PNPLA8: variants seen among roughly 807,000 people sequenced by gnomAD.
PNPLA8 encodes patatin like domain 8, phospholipase A2.
Under a neutral mutation model 76.9 loss-of-function variants are expected in PNPLA8, and 39 were observed. The observed-to-expected ratio is 0.51, with a 90% confidence interval of 0.39 to 0.66. The LOEUF is 0.66. Among genes scored for constraint, PNPLA8 ranks in the 30% least tolerant of loss-of-function variants. The pLI is 0.00. For missense variants in PNPLA8, 887 were observed against 918.0 expected (o/e 0.97, Z 0.44); for synonymous variants, 301 against 307.9 (o/e 0.98, Z 0.24).
At chr7:108,484,308 C>G (rs1860594621) in intron 9 of PNPLA8, among the ~76,000 whole-genome samples, 1 of 152,164 alleles carries the variant, frequency 6.6e-6, no homozygotes, top group Non-Finnish European at 1.5e-5. Flanking sequence ...TTAGCCTACT[C>G]TTGTCAGATG....
intron 9 of PNPLA8, among the ~76,000 whole-genome samples, chr7:108,487,530 A>C (rs754929622): frequency 5.3e-5 from 8 of 152,130 alleles, no homozygotes; most frequent in Non-Finnish European, 8.8e-5. Flanking sequence ...TGGGCTACGA[A>C]TCACACTATA....
chr7:108,489,254 C>A (rs184346747), intron 8 of PNPLA8, among the ~76,000 whole-genome samples: 4 of 152,316 alleles, frequency 2.6e-5, no homozygotes, highest in Non-Finnish European at 5.9e-5. Flanking sequence ...AGAGCTAAGT[C>A]ATCTCTTCAT....
upstream of PNPLA8, among the ~76,000 whole-genome samples, chr7:108,526,897 G>C (rs185694975): frequency 9.9e-4 from 150 of 152,282 alleles, no homozygotes; most frequent in Non-Finnish European, 1.5e-3. Context: ...TAAAAAAAAA[G>C]TTTTGCGACA....
chr7:108,482,761 G>C (rs1009606744), intron 9 of PNPLA8, among the ~76,000 whole-genome samples: 1 of 151,914 alleles, frequency 6.6e-6, no homozygotes, highest in African/African-American at 2.4e-5. Context: ...TTAATTTTTT[G>C]GATCTACTGT....
chr7:108,521,390 A>G (rs1863729571), intron 2 of PNPLA8, 86 bp downstream of exon 2: 1 of 203,234 alleles, frequency 4.9e-6, no homozygotes, highest in Non-Finnish European at 8.7e-6. Flanking sequence ...TCAGAAGGTA[A>G]AAAGCCTTTG....
At chr7:108,512,369 ACAGT>A (rs779362218) in intron 4 of PNPLA8, among the ~76,000 whole-genome samples, 38 of 152,126 alleles carry the variant, frequency 2.5e-4, no homozygotes, top group Non-Finnish European at 4.9e-4. Context: ...TTCTTTCTAA[ACAGT>A]CAAAGTTCTT....
chr7:108,510,293 C>G, intron 4 of PNPLA8: 6 of 1,586,570 alleles, frequency 3.8e-6, no homozygotes, highest in East Asian at 2.2e-5. Flanking sequence ...TAAGAAAAAG[C>G]GAAGGAATTT....
At chr7:108,524,201 A>T (rs886156051) in intron 1 of PNPLA8, among the ~76,000 whole-genome samples, 2 of 152,244 alleles carry the variant, frequency 1.3e-5, no homozygotes, top group African/African-American at 4.8e-5. Flanking sequence ...TTTTGGGATC[A>T]GGCAACCTGA....
intron 4 of PNPLA8, among the ~76,000 whole-genome samples, chr7:108,503,725 T>C (rs541812530): frequency 4.1e-4 from 63 of 152,154 alleles, no homozygotes; most frequent in Non-Finnish European, 4.9e-4. Flanking sequence ...TGGTAAACTA[T>C]AGCTTTTCTT....
intron 4 of PNPLA8, chr7:108,511,103 C>T (rs1381414064): frequency 3.1e-6 from 2 of 637,470 alleles, no homozygotes; most frequent in Non-Finnish European, 5.2e-6. Context: ...ATTTCTCTTT[C>T]CTTTCCTGTA....
intron 8 of PNPLA8, among the ~76,000 whole-genome samples, chr7:108,488,657 T>G (rs374050327): frequency 1.3e-5 from 2 of 152,228 alleles, no homozygotes; most frequent in African/African-American, 4.8e-5. Context: ...CTGTGCTCTT[T>G]GAAAGTATTT....
In PNPLA8 at chr7:108,472,443, T is replaced by A; in HGVS notation, c.2307A>T (p.Lys769Asn). 1 of 1,596,822 alleles carries A rather than the reference T, an allele frequency of 6.3e-7. No homozygotes were observed. Among genetic ancestry groups the A allele is most frequent in the Non-Finnish European group, 8.5e-7 (1 of 1,170,668 alleles). The stretch of plus-strand genomic sequence containing the variant: ...ATGGAAGTCCTTCATACATATCAGT[T>A]TTTAATTTTATCCAATCATTAATTT... ...LQKINDWIKL[K>N]TDMYEGLPFF... The change falls in exon 11 of 11, where the codon AAA (lysine) becomes AAT (asparagine). Residue 769 changes from lysine to asparagine, a missense_variant. Coordinates refer to ENST00000257694, the MANE Select transcript of PNPLA8 (RefSeq NM_001256007.3).
intron 2 of PNPLA8, among the ~76,000 whole-genome samples, chr7:108,516,365 CA>C (rs1206872605): frequency 6.6e-6 from 1 of 152,044 alleles, no homozygotes; most frequent in Non-Finnish European, 1.5e-5. Context: ...TACAATGGGG[CA>C]AAAATAGTCT....
intron 1 of PNPLA8, 54 bp from the exon 2 acceptor site, chr7:108,521,575 G>T: frequency 3.6e-6 from 1 of 281,664 alleles, no homozygotes; most frequent in Non-Finnish European, 5.4e-6. Flanking sequence ...AGCCTGAGAA[G>T]TGCCATGAAT....
chr7:108,500,448 C>T (rs1002942389), intron 5 of PNPLA8, among the ~76,000 whole-genome samples: 1 of 152,108 alleles, frequency 6.6e-6, no homozygotes, highest in African/African-American at 2.4e-5. Context: ...TTTTGCCAAC[C>T]GAGCACTTCT....
At chr7:108,515,864 T>C (rs1004233915) in intron 2 of PNPLA8, among the ~76,000 whole-genome samples, 12 of 152,224 alleles carry the variant, frequency 7.9e-5, no homozygotes, top group Admixed American at 1.3e-4. Context: ...CATAATTTAA[T>C]ATGCAATTTA....
intron 8 of PNPLA8, among the ~76,000 whole-genome samples, chr7:108,491,194 C>T (rs1861140510): frequency 1.3e-5 from 2 of 152,170 alleles, no homozygotes; most frequent in African/African-American, 4.8e-5. Flanking sequence ...GTAATCCCAG[C>T]TACTTGGGAG....
chr7:108,487,501 C>T (rs541384490), intron 9 of PNPLA8, among the ~76,000 whole-genome samples: 1 of 152,064 alleles, frequency 6.6e-6, no homozygotes, highest in Non-Finnish European at 1.5e-5. Context: ...CTCACTTTTC[C>T]ATCATAAAAT....
chr7:108,480,437 G>A (rs1182913044), intron 9 of PNPLA8, among the ~76,000 whole-genome samples: 1 of 152,166 alleles, frequency 6.6e-6, no homozygotes, highest in Non-Finnish European at 1.5e-5. Context: ...TTAAGTGACT[G>A]CTCAGCCTCC....
Sources: allele counts gnomAD v4.1 joint callset (sites outside exome capture counted in the v4.1 genomes callset), GRCh38; gene constraint gnomAD v4.1.1; transcripts MANE v1.5; gene names NCBI Gene and HGNC (gene_info 2026-07-23, HGNC 2026-07-21).